Variants in PTPRD observed in about 807,000 individuals in gnomAD.
PTPRD encodes protein tyrosine phosphatase receptor type D, also known as receptor-type tyrosine-protein phosphatase delta.
A neutral mutation model predicts 214.5 loss-of-function variants in PTPRD; 34 were observed. That is an observed-to-expected ratio of 0.16 (90% CI 0.12 to 0.21). PTPRD has a LOEUF of 0.21. PTPRD is among the 10% of genes least tolerant of loss of function. PTPRD has a pLI of 1.00. For missense variants in PTPRD, 2,545 were observed against 2,398.7 expected, an observed-to-expected ratio of 1.06 and a Z score of -1.27; for synonymous variants, 1,128 against 845.7, an observed-to-expected ratio of 1.33 and a Z score of -5.79.
At chr9:9,753,408 T>C (rs1324385105) in intron 6 of PTPRD, among the ~76,000 whole-genome samples, 1 of 152,040 alleles carries the variant, frequency 6.6e-6, no homozygotes, top group African/African-American at 2.4e-5. Flanking sequence ...GTGTTTCCAT[T>C]ATACTTTGAG....
chr9:9,320,139 C>T (rs1039605404), intron 9 of PTPRD, among the ~76,000 whole-genome samples: 43 of 152,060 alleles, frequency 2.8e-4, no homozygotes, highest in South Asian at 4.2e-4. Flanking sequence ...ATAAGAATTC[C>T]TTTTTGTAAT....
At chr9:9,112,189 T>C (rs2099807070) in intron 10 of PTPRD, among the ~76,000 whole-genome samples, 1 of 152,186 alleles carries the variant, frequency 6.6e-6, no homozygotes, top group Non-Finnish European at 1.5e-5. Context: ...ATGGAAACAC[T>C]GGGACCGTGA....
At position 10,458,405 on chromosome 9, in the gene PTPRD, A is replaced by G. The variant is rs562731032; in HGVS notation, c.-599-117388T>C. On this transcript the variant is annotated intron_variant, in intron 2 of 45. Transcript: ENST00000381196. ...TGTTTTAACATATGCAAATCAACCA[A>G]TGGATACATCATGTTAACAGACTGA... Among the ~76,000 whole-genome samples the G allele has an allele frequency of 6.6e-5, 10 of 152,334 alleles. No individual in the cohort carries two copies. The East Asian group carries it at 1.7e-3, about 26-fold the overall frequency.
At chr9:10,058,052 G>A (rs1445072662) in intron 3 of PTPRD, among the ~76,000 whole-genome samples, 1 of 152,118 alleles carries the variant, frequency 6.6e-6, no homozygotes, top group African/African-American at 2.4e-5. Flanking sequence ...ATACGGGTAT[G>A]TGTGTAGTGC....
chr9:8,548,880 G>C (rs1725776961), intron 14 of PTPRD, among the ~76,000 whole-genome samples: 2 of 151,646 alleles, frequency 1.3e-5, no homozygotes, highest in Admixed American at 1.3e-4. Context: ...TTTTAGTAGA[G>C]ACGGGGTTTC....
intron 3 of PTPRD, among the ~76,000 whole-genome samples, chr9:10,304,821 G>C (rs1188117487): frequency 6.6e-6 from 1 of 152,086 alleles, no homozygotes; most frequent in African/African-American, 2.4e-5. Flanking sequence ...TCATGAAAAT[G>C]GCCATACTGC....
At chr9:8,485,629 C>G (rs1054190974) in intron 28 of PTPRD, 133 bp downstream of exon 28, 1 of 835,964 alleles carries the variant, frequency 1.2e-6, no homozygotes, top group Non-Finnish European at 1.8e-6. Context: ...GTAAGTTTTA[C>G]ATACTTTACC....
chr9:8,667,346 A>T (rs1260270328), intron 12 of PTPRD, among the ~76,000 whole-genome samples: 1 of 152,176 alleles, frequency 6.6e-6, no homozygotes, highest in Non-Finnish European at 1.5e-5. Context: ...TCTCTAAATA[A>T]ATAAATAAAA....
chr9:10,557,679 G>C (rs554571812), intron 2 of PTPRD, among the ~76,000 whole-genome samples: 1 of 152,162 alleles, frequency 6.6e-6, no homozygotes, highest in East Asian at 1.9e-4. Context: ...TAGATTAAAT[G>C]TTTACCCCTG....
At position 8,315,203 on chromosome 9, in the gene PTPRD, G is replaced by C; in HGVS notation, c.*2671C>G. The C allele has an allele frequency of 4.3e-6, 1 of 232,720 alleles. No individual in the cohort carries two copies. Among genetic ancestry groups the C allele is most frequent in the East Asian group, 6.0e-5 (1 of 16,556 alleles). 14.4% of individuals were successfully genotyped at this position (232,720 alleles called of 1,614,324 possible). A position where few individuals can be genotyped will look rare whatever the true frequency, so the allele number is the denominator to read the frequency against. ...GGAATGCACATCAATGACAGTAAGG[G>C]AGTTAGTTCTAGGAACAGCTCCTGA... On this transcript the variant is annotated 3_prime_UTR_variant, in exon 46 of 46. Coordinates refer to ENST00000381196, the MANE Select transcript of PTPRD (RefSeq NM_002839.4).
intron 14 of PTPRD, among the ~76,000 whole-genome samples, chr9:8,607,057 C>T (rs2095252226): frequency 6.6e-6 from 1 of 152,100 alleles, no homozygotes; most frequent in East Asian, 1.9e-4. Context: ...GTTGGGAAGA[C>T]ATTGGACAAA....
chr9:8,575,243 A>G (rs1030316919), intron 14 of PTPRD, among the ~76,000 whole-genome samples: 20 of 152,138 alleles, frequency 1.3e-4, no homozygotes, highest in African/African-American at 4.8e-4. Flanking sequence ...GTTCATGAGA[A>G]AAGGAAAAAG....
chr9:10,570,079 T>A (rs914917388), intron 2 of PTPRD, among the ~76,000 whole-genome samples: 3 of 152,126 alleles, frequency 2.0e-5, no homozygotes, highest in Non-Finnish European at 2.9e-5. Flanking sequence ...TTAACTTATA[T>A]TCTTGGATTT....
At chr9:9,060,963 C>A (rs1390733370) in intron 10 of PTPRD, among the ~76,000 whole-genome samples, 1 of 152,144 alleles carries the variant, frequency 6.6e-6, no homozygotes, top group Admixed American at 6.5e-5. Context: ...ACTGTGGAAT[C>A]TCACAATCAG....
At chr9:9,590,211 T>A (rs2154326099) in intron 7 of PTPRD, among the ~76,000 whole-genome samples, 1 of 152,174 alleles carries the variant, frequency 6.6e-6, no homozygotes, top group South Asian at 2.1e-4. Context: ...TTCTATGATC[T>A]ATTTTTTTTT....
At chr9:8,558,230 T>C (rs565428392) in intron 14 of PTPRD, among the ~76,000 whole-genome samples, 19 of 152,248 alleles carry the variant, frequency 1.2e-4, no homozygotes, top group Non-Finnish European at 2.5e-4. Context: ...TATTTCCTTA[T>C]GCAAACGGAG....
At chr9:8,939,403 T>TTAAC (rs2099017540) in intron 11 of PTPRD, among the ~76,000 whole-genome samples, 1 of 152,124 alleles carries the variant, frequency 6.6e-6, no homozygotes. Context: ...ATGCATACTC[T>TTAAC]TAACTTCATT....
intron 3 of PTPRD, among the ~76,000 whole-genome samples, chr9:10,130,949 A>G (rs990101554): frequency 6.6e-6 from 1 of 152,124 alleles, no homozygotes; most frequent in Non-Finnish European, 1.5e-5. Context: ...GGAGCACAGA[A>G]CATTCAGAAA....
chr9:8,815,832 G>A (rs945159588), intron 11 of PTPRD, among the ~76,000 whole-genome samples: 5 of 152,066 alleles, frequency 3.3e-5, no homozygotes, highest in Admixed American at 6.6e-5. Flanking sequence ...GCAAACATGC[G>A]GCTGATTAGA....
Sources: gnomAD v4.1 joint callset for allele counts (sites outside exome capture counted in the v4.1 genomes callset) on GRCh38, gnomAD v4.1.1 for gene constraint, MANE v1.5 for transcripts, NCBI Gene and HGNC (gene_info 2026-07-23, HGNC 2026-07-21) for gene names.